The following CCSER1 variants were observed in gnomAD, a reference collection of about 807,000 sequenced individuals.
CCSER1 encodes serine-rich coiled-coil domain-containing protein 1.
In CCSER1, 41 loss-of-function variants were observed where a neutral mutation model predicts 82.0. The observed-to-expected ratio is 0.50, with a 90% CI of 0.39 to 0.65. The LOEUF is 0.65. Among genes scored for constraint, CCSER1 ranks in the 30% least tolerant of loss-of-function variants. The probability of loss-of-function intolerance (pLI) is 0.00; values close to 1 mark genes in which losing one functional copy is unlikely to be tolerated. For missense variants in CCSER1, 1,119 were observed against 1,064.2 expected, an observed-to-expected ratio of 1.05 and a Z score of -0.72; for synonymous variants, 414 against 383.9, an observed-to-expected ratio of 1.08 and a Z score of -0.92.
chr4:90,521,498 C>A (rs1773127684), intron 5 of CCSER1, among the ~76,000 whole-genome samples: 1 of 152,098 alleles, frequency 6.6e-6, no homozygotes, highest in African/African-American at 2.4e-5. Flanking sequence ...TTTTTACCCT[C>A]AAGAAGAGAA....
chr4:91,214,080 TG>T lies in CCSER1; in HGVS notation c.2217+128087del, dbSNP rs1737048987. 2.6e-5 allele frequency among the ~76,000 whole-genome samples: 4 copies of T among 152,170 alleles called. No homozygotes were observed. In the South Asian group the frequency reaches 8.3e-4, roughly 31 times the overall value. ...GAAAAGAGAACATAAATTTCACTCC[TG>T]TGCCTTTTGCCTCCCTCCTGTCACC... On this transcript the variant is annotated intron_variant, in intron 10 of 10. Transcript: ENST00000509176.
At chr4:90,393,363 G>A (rs1449767689) in intron 3 of CCSER1, among the ~76,000 whole-genome samples, 1 of 152,152 alleles carries the variant, frequency 6.6e-6, no homozygotes, top group Admixed American at 6.5e-5. Flanking sequence ...GAGTCACTCT[G>A]TAGAATCCTA....
chr4:90,233,379 AAC>A (rs1011932670), intron 1 of CCSER1, among the ~76,000 whole-genome samples: 1 of 152,132 alleles, frequency 6.6e-6, no homozygotes, highest in African/African-American at 2.4e-5. Flanking sequence ...AAGAACAAAA[AAC>A]CCAACACCGC....
At chr4:90,938,768 C>T in intron 9 of CCSER1, 2 of 312,184 alleles carry the variant, frequency 6.4e-6, no homozygotes, top group Non-Finnish European at 1.3e-5. Context: ...AGAAATGCAT[C>T]ACTAATCTGT....
At chr4:90,460,218 A>G (rs933139549) in intron 4 of CCSER1, among the ~76,000 whole-genome samples, 4 of 145,896 alleles carry the variant, frequency 2.7e-5, no homozygotes, top group African/African-American at 5.4e-5. Flanking sequence ...CCAGCTACAC[A>G]GGAGGCTGAG....
At chr4:91,168,125 G>A (rs529788690) in intron 10 of CCSER1, among the ~76,000 whole-genome samples, 38 of 143,086 alleles carry the variant, frequency 2.7e-4, no homozygotes, top group African/African-American at 8.2e-4. Context: ...GGTGAGGAAC[G>A]TCTCTGCCCG....
chr4:91,287,367 A>C (rs761758373), intron 10 of CCSER1, among the ~76,000 whole-genome samples: 1 of 151,736 alleles, frequency 6.6e-6, no homozygotes, highest in Non-Finnish European at 1.5e-5. Flanking sequence ...ATTTCCTGTC[A>C]TTTCCCTTTT....
chr4:90,424,974 A>G (rs1757326484), intron 4 of CCSER1, among the ~76,000 whole-genome samples: 1 of 151,988 alleles, frequency 6.6e-6, no homozygotes, highest in African/African-American at 2.4e-5. Context: ...TAATTCTCAC[A>G]TTTCTTTTTA....
At chr4:91,241,332 T>TA (rs1739345705) in intron 10 of CCSER1, among the ~76,000 whole-genome samples, 1 of 141,004 alleles carries the variant, frequency 7.1e-6, no homozygotes, top group Non-Finnish European at 1.5e-5. Flanking sequence ...AATACATTTT[T>TA]TTTTTTTTTT....
intron 9 of CCSER1, among the ~76,000 whole-genome samples, chr4:91,039,616 A>G (rs921510599): frequency 6.6e-6 from 1 of 152,060 alleles, no homozygotes; most frequent in African/African-American, 2.4e-5. Flanking sequence ...TATATTTTAA[A>G]TGCTGAAAAA....
chr4:90,675,399 T>C (rs903152052), intron 6 of CCSER1, among the ~76,000 whole-genome samples: 2 of 151,764 alleles, frequency 1.3e-5, no homozygotes, highest in Non-Finnish European at 3.0e-5. Context: ...GTCTAGTAAA[T>C]GTGTATTGTA....
At chr4:91,422,748 G>A (rs985262776) in intron 10 of CCSER1, among the ~76,000 whole-genome samples, 4 of 152,010 alleles carry the variant, frequency 2.6e-5, no homozygotes, top group Middle Eastern at 3.2e-3. Flanking sequence ...TTGCCTTTAG[G>A]ACATCCAGTA....
In CCSER1 at chr4:91,313,835, G is replaced by T. The variant is rs377277413; in HGVS notation, c.2217+227841G>T. On this transcript the variant is annotated intron_variant, in intron 10 of 10. Transcript: ENST00000509176. ...TTCTGCCAGGCTGGATAAAGCTACAGAGATGAGTCCAAGTAAACAAGGGAA... is the reference window on the plus strand; with the variant it reads ...TTCTGCCAGGCTGGATAAAGCTACATAGATGAGTCCAAGTAAACAAGGGAA... Among the ~76,000 whole-genome samples the T allele has an allele frequency of 7.0e-4, 107 of 152,088 alleles. 1 individual carries two copies. In the South Asian group the frequency reaches 7.7e-3, roughly 11 times the overall value.
rs1739253095 is a variant in CCSER1, at chr4:91,014,427, C to T, written c.2173-71523C>T. Among the ~76,000 whole-genome samples the T allele has an allele frequency of 1.5e-5, 2 of 134,572 alleles. 1 individual carries two copies. Among genetic ancestry groups the T allele is most frequent in the Admixed American group, 1.5e-4 (2 of 13,546 alleles). The allele number at this position is 134,572 out of a possible 152,430, so 88.3% of individuals were successfully genotyped here. ...CCTCTGGTCACTTTTACTGCTTCTA[C>T]TTCTCCACACCACGTCCTACTCCTA... On this transcript the variant is annotated intron_variant, in intron 9 of 10. Transcript: ENST00000509176.
chr4:90,446,673 C>T (rs1760702820), intron 4 of CCSER1, among the ~76,000 whole-genome samples: 1 of 152,058 alleles, frequency 6.6e-6, no homozygotes, highest in Non-Finnish European at 1.5e-5. Flanking sequence ...ATACAGTTGA[C>T]CCTTGAACAA....
intron 4 of CCSER1, among the ~76,000 whole-genome samples, chr4:90,403,416 G>A (rs1046249142): frequency 4.8e-5 from 7 of 147,026 alleles, no homozygotes; most frequent in African/African-American, 1.7e-4. Context: ...GGAGAATGGC[G>A]TGAACCCGGG....
At chr4:90,623,197 A>ATT (rs113601585) in intron 5 of CCSER1, among the ~76,000 whole-genome samples, 2,331 of 147,428 alleles carry the variant, frequency 0.016, 69 homozygotes, top group African/African-American at 0.055. Flanking sequence ...CCGGCTAATT[A>ATT]TTTTTTTTTT....
intron 10 of CCSER1, among the ~76,000 whole-genome samples, chr4:91,213,246 T>C (rs1173976454): frequency 1.3e-5 from 2 of 152,158 alleles, no homozygotes; most frequent in Non-Finnish European, 2.9e-5. Context: ...TGGATGTTTG[T>C]ACATTTATTT....
chr4:91,094,796 C>A (rs1724336723), intron 10 of CCSER1, among the ~76,000 whole-genome samples: 2 of 152,080 alleles, frequency 1.3e-5, no homozygotes, highest in South Asian at 2.1e-4. Flanking sequence ...AAAAAGTCTC[C>A]ATTCTTCTTC....
Sources: allele counts gnomAD v4.1 joint callset (sites outside exome capture counted in the v4.1 genomes callset), GRCh38; gene constraint gnomAD v4.1.1; transcripts MANE v1.5; gene names NCBI Gene and HGNC (gene_info 2026-07-23, HGNC 2026-07-21).